CSMD1: variants seen among roughly 807,000 people sequenced by gnomAD.
CSMD1 encodes the protein CUB and Sushi multiple domains 1.
In CSMD1, 213 loss-of-function variants were observed where a neutral mutation model predicts 417.5. The observed-to-expected ratio is 0.51, with a 90% CI of 0.46 to 0.57. CSMD1 has a LOEUF of 0.57. Ranked by LOEUF, CSMD1 falls within the 20% of genes least tolerant of loss-of-function variation. The probability of loss-of-function intolerance (pLI) is 0.00; values close to 1 mark genes in which losing one functional copy is unlikely to be tolerated. For missense variants in CSMD1, 6,923 were observed against 4,529.7 expected (o/e 1.53, Z -15.17); for synonymous variants, 2,862 against 1,736.8 (o/e 1.65, Z -16.11).
At chr8:3,111,412 G>A (rs1816508470) in intron 42 of CSMD1, among the ~76,000 whole-genome samples, 1 of 152,170 alleles carries the variant, frequency 6.6e-6, no homozygotes, top group African/African-American at 2.4e-5. Context: ...TTATTACTAA[G>A]TGAGGTTTGG....
chr8:3,430,373 G>A (rs958024330), intron 12 of CSMD1, among the ~76,000 whole-genome samples: 1 of 152,156 alleles, frequency 6.6e-6, no homozygotes, highest in Non-Finnish European at 1.5e-5. Context: ...TAAACACCAT[G>A]AGAGTGGAAG....
At chr8:4,978,321 A>T (rs1340545656) in intron 1 of CSMD1, among the ~76,000 whole-genome samples, 2 of 152,100 alleles carry the variant, frequency 1.3e-5, no homozygotes, top group Non-Finnish European at 2.9e-5. Flanking sequence ...TTGAGTCAGG[A>T]CACTCTAATC....
intron 2 of CSMD1, among the ~76,000 whole-genome samples, chr8:4,516,189 A>G (rs1310254670): frequency 6.6e-6 from 1 of 152,140 alleles, no homozygotes; most frequent in Non-Finnish European, 1.5e-5. Context: ...TAATAAGAGA[A>G]GATAAGAACC....
chr8:4,597,811 C>A (rs574864905), intron 2 of CSMD1, among the ~76,000 whole-genome samples: 1 of 152,200 alleles, frequency 6.6e-6, no homozygotes, highest in Admixed American at 6.5e-5. Context: ...GCCACAAGAG[C>A]TAGAAAGATG....
intron 5 of CSMD1, among the ~76,000 whole-genome samples, chr8:3,932,111 A>G (rs1313876829): frequency 6.6e-6 from 1 of 150,408 alleles, no homozygotes; most frequent in Non-Finnish European, 1.5e-5. Context: ...AACATTCTTG[A>G]AAGTAGATGA....
Position 3,534,518 on chromosome 8 carries a change from C to CAA in CSMD1, c.1344+40425_1344+40426dup, listed in dbSNP as rs566979953. On this transcript the variant is annotated intron_variant, in intron 10 of 69. Coordinates refer to ENST00000635120, the MANE Select transcript of CSMD1 (RefSeq NM_033225.6). Reference sequence around the variant, plus strand: ...TAGATATTTTTGGCTTTCTCAATTACAAAAAAAAAAAAAAAAAGAAAAACT... The same window carrying CAA: ...TAGATATTTTTGGCTTTCTCAATTACAAAAAAAAAAAAAAAAAAAGAAAAACT... Among the ~76,000 whole-genome samples, 80 of 86,528 alleles carry CAA rather than the reference C, an allele frequency of 9.2e-4. 1 individual carries two copies. The highest frequency in any genetic ancestry group is 2.2e-3 in the African/African-American group (61 of 28,254). The allele number at this position is 86,528 out of a possible 152,430, so 56.8% of individuals were successfully genotyped here.
intron 23 of CSMD1, among the ~76,000 whole-genome samples, chr8:3,323,632 C>T (rs1475062879): frequency 6.6e-6 from 1 of 152,186 alleles, no homozygotes; most frequent in Admixed American, 6.5e-5. Flanking sequence ...TTTTCAAAAA[C>T]AACGTTGTGT....
intron 10 of CSMD1, among the ~76,000 whole-genome samples, chr8:3,547,640 G>A (rs1798724243): frequency 6.6e-6 from 1 of 151,974 alleles, no homozygotes; most frequent in Non-Finnish European, 1.5e-5. Flanking sequence ...AATAAAGTGG[G>A]TTTGTAAGTA....
At chr8:4,621,495 G>A (rs1247825145) in intron 2 of CSMD1, among the ~76,000 whole-genome samples, 2 of 152,054 alleles carry the variant, frequency 1.3e-5, no homozygotes, top group Non-Finnish European at 2.9e-5. Flanking sequence ...CACCAAAATT[G>A]ACACCAGAAG....
intron 2 of CSMD1, among the ~76,000 whole-genome samples, chr8:4,439,398 C>A (rs1053020841): frequency 6.6e-6 from 1 of 152,028 alleles, no homozygotes; most frequent in Admixed American, 6.6e-5. Flanking sequence ...ACTTATTTCA[C>A]GTACGTTTAT....
intron 6 of CSMD1, among the ~76,000 whole-genome samples, chr8:3,741,231 A>C (rs1584930704): frequency 4.0e-5 from 6 of 150,136 alleles, no homozygotes; most frequent in Admixed American, 3.3e-4. Flanking sequence ...AAAAAAAAAA[A>C]AAAAAAAAAA....
intron 5 of CSMD1, among the ~76,000 whole-genome samples, chr8:3,862,333 C>T (rs540660640): frequency 1.3e-5 from 2 of 152,212 alleles, no homozygotes; most frequent in South Asian, 2.1e-4. Flanking sequence ...AGGGCGTCCA[C>T]CAGGTGACCT....
chr8:3,603,462 A>G (rs1238017290), intron 8 of CSMD1, among the ~76,000 whole-genome samples: 1 of 152,198 alleles, frequency 6.6e-6, no homozygotes, highest in African/African-American at 2.4e-5. Flanking sequence ...TGAGCGCCCA[A>G]TCCCACTTTG....
chr8:4,803,965 A>T (rs955098064), intron 1 of CSMD1, among the ~76,000 whole-genome samples: 3 of 152,190 alleles, frequency 2.0e-5, no homozygotes, highest in African/African-American at 7.2e-5. Context: ...GTCTTTACAG[A>T]TGTATCGTAA....
At chr8:2,989,099 A>G (rs1206963880) in intron 54 of CSMD1, among the ~76,000 whole-genome samples, 3 of 152,250 alleles carry the variant, frequency 2.0e-5, no homozygotes, top group African/African-American at 7.2e-5. Flanking sequence ...ACAACAGCCT[A>G]CAACTCTTGT....
chr8:3,486,257 T>C (rs1484422754), intron 11 of CSMD1, among the ~76,000 whole-genome samples: 3 of 134,230 alleles, frequency 2.2e-5, no homozygotes, highest in African/African-American at 6.0e-5. Context: ...ACTGTACTTT[T>C]AATCTTTTTA....
intron 3 of CSMD1, among the ~76,000 whole-genome samples, chr8:4,305,728 C>A (rs1478418210): frequency 6.6e-6 from 1 of 152,172 alleles, no homozygotes; most frequent in African/African-American, 2.4e-5. Context: ...CTTGCATGTA[C>A]AGATGCCACA....
chr8:3,377,051 C>T (rs781129781), intron 18 of CSMD1, among the ~76,000 whole-genome samples: 1 of 152,260 alleles, frequency 6.6e-6, no homozygotes. Context: ...CTCTATTGTC[C>T]AGGCTGTAGT....
intron 18 of CSMD1, among the ~76,000 whole-genome samples, chr8:3,371,513 GTATA>G (rs1809945982): frequency 6.7e-6 from 1 of 150,196 alleles, no homozygotes; most frequent in African/African-American, 2.5e-5. Context: ...TTCTGTGCAT[GTATA>G]TATTTATACT....
Sources: gnomAD v4.1 joint callset for allele counts (sites outside exome capture counted in the v4.1 genomes callset) on GRCh38, gnomAD v4.1.1 for gene constraint, MANE v1.5 for transcripts, NCBI Gene and HGNC (gene_info 2026-07-23, HGNC 2026-07-21) for gene names.